KIAA0586: variants seen among roughly 807,000 people sequenced by gnomAD.
KIAA0586 encodes the protein protein TALPID3.
KIAA0586 carries 144 observed loss-of-function variants against 169.8 expected under a neutral mutation model. That is an observed-to-expected ratio of 0.85 (90% CI 0.74 to 0.97). The LOEUF is 0.97. KIAA0586 is among the 50% of genes least tolerant of loss of function. KIAA0586 has a pLI of 0.00. For missense variants in KIAA0586, 1,854 were observed against 1,823.0 expected (o/e 1.02, Z -0.31); for synonymous variants, 625 against 612.4 (o/e 1.02, Z -0.30).
Position 58,458,136 on chromosome 14 carries a change from G to GAT in KIAA0586, c.1583+168_1583+169dup, listed in dbSNP as rs369772715. Among the ~76,000 whole-genome samples the GAT allele has an allele frequency of 1.5e-4, 23 of 151,664 alleles. 1 individual carries two copies. The highest frequency in any genetic ancestry group is 4.8e-4 in the African/African-American group (20 of 41,390). On this transcript the variant is annotated intron_variant, in intron 11 of 30. Transcript: ENST00000652326. ...GTGGAACTTATAAAGTTGGAATTTG[G>GAT]ATATATATATATGGTGGTACTACTT...
chr14:58,543,136 A>AG (rs1158796016), intron 30 of KIAA0586, among the ~76,000 whole-genome samples: 1 of 151,254 alleles, frequency 6.6e-6, no homozygotes, highest in Non-Finnish European at 1.5e-5. Context: ...CGTCTCAAAA[A>AG]AAAAAAAAAA....
intron 6 of KIAA0586, among the ~76,000 whole-genome samples, chr14:58,445,146 C>CACAT (rs1336246698): frequency 6.6e-6 from 1 of 151,542 alleles, no homozygotes; most frequent in Admixed American, 6.6e-5. Context: ...CACACACACA[C>CACAT]ACATATACAC....
At chr14:58,474,513 T>C in intron 18 of KIAA0586, 94 bp from the exon 19 acceptor site, 1 of 769,276 alleles carries the variant, frequency 1.3e-6, no homozygotes, top group Non-Finnish European at 2.0e-6. Flanking sequence ...TTTAGAAGGG[T>C]TTCTTAATTC....
In KIAA0586 at chr14:58,512,573, CA is replaced by C; in HGVS notation, c.4378del (p.Ser1460ValfsTer58). 6.5e-7 allele frequency: 1 copy of C among 1,545,606 alleles called. No homozygotes were observed. The highest frequency in any genetic ancestry group is 8.7e-7 in the Non-Finnish European group (1 of 1,154,362). On this transcript the variant is annotated frameshift_variant, in exon 29 of 31. Transcript: ENST00000652326. LOFTEE classifies it high-confidence loss of function. ...TAAGCAAGTTGAACACAAACCATCA[CA>C]AAGTTACCTACGTGTTAGAAATAAA... ...DVKQVEHKPS[Q>X]SYLRVRNKSD...
chr14:58,466,114 C>G, intron 15 of KIAA0586, 85 bp downstream of exon 15: 1 of 1,049,144 alleles, frequency 9.5e-7, no homozygotes, highest in Non-Finnish European at 1.4e-6. Context: ...CGGGGTTTCA[C>G]TGTGTGGCTC....
At position 58,487,913 on chromosome 14, in the gene KIAA0586, G is replaced by GT; in HGVS notation, c.3333dup (p.Asn1112Ter). On this transcript the variant is annotated frameshift_variant, in exon 23 of 31. Coordinates refer to ENST00000652326, the MANE Select transcript of KIAA0586 (RefSeq NM_001329943.3). LOFTEE classifies it high-confidence loss of function. ...AGATGATATGCCTGCCATCATGCTT[G>GT]TTAATACTCCAACAGTTACCCCTAC... 1 of 1,612,876 alleles carries GT rather than the reference G, an allele frequency of 6.2e-7. No individual in the cohort carries two copies. Among genetic ancestry groups the GT allele is most frequent in the Non-Finnish European group, 8.5e-7 (1 of 1,179,538 alleles).
intron 29 of KIAA0586, among the ~76,000 whole-genome samples, chr14:58,539,462 G>A (rs1357679364): frequency 6.6e-6 from 1 of 152,174 alleles, no homozygotes; most frequent in Non-Finnish European, 1.5e-5. Flanking sequence ...TTAGTATCCA[G>A]AGTGTCTTGT....
chr14:58,451,235 A>AT (rs1362126389), intron 8 of KIAA0586, among the ~76,000 whole-genome samples: 1 of 151,718 alleles, frequency 6.6e-6, no homozygotes. Context: ...ATTTTTATTT[A>AT]TTTTTTATGA....
At chr14:58,524,695 T>A (rs762370319) in intron 29 of KIAA0586, among the ~76,000 whole-genome samples, 6 of 152,232 alleles carry the variant, frequency 3.9e-5, no homozygotes, top group African/African-American at 1.4e-4. Context: ...TTATCTGTAA[T>A]ATAGTATAGA....
Position 58,450,689 on chromosome 14 carries a change from T to C in KIAA0586, c.1072T>C (p.Ser358Pro), listed in dbSNP as rs2039295233. ...PVPVSRDDEL[S>P]KRENLLEEKE... is the part of the protein sequence containing the mutation. ...ACCTGTTTCAAGGGATGATGAACTA[T>C]CAAAGAGGGAAAATCTTTTGGAAGA... is the stretch of plus-strand genomic sequence containing the variant. The change falls in exon 8 of 31, where the codon TCA becomes CCA. Residue 358 changes from serine (S) to proline (P), a missense_variant. Ser to Pro is a moderately conservative substitution (Grantham distance 74). Coordinates refer to ENST00000652326, the MANE Select transcript of KIAA0586 (RefSeq NM_001329943.3). The C allele has an allele frequency of 1.9e-6, 3 of 1,609,424 alleles. No homozygotes were observed. In the East Asian group the frequency reaches 6.7e-5, roughly 36 times the overall value.
chr14:58,472,958 T>A (rs1335422368), intron 18 of KIAA0586, among the ~76,000 whole-genome samples: 2 of 143,084 alleles, frequency 1.4e-5, no homozygotes, highest in African/African-American at 5.2e-5. Context: ...TCTTTTCTCA[T>A]GTGAGTGCCA....
chr14:58,476,223 C>A (rs370449370), intron 19 of KIAA0586, among the ~76,000 whole-genome samples: 1 of 152,148 alleles, frequency 6.6e-6, no homozygotes, highest in Admixed American at 6.5e-5. Context: ...TAAACTCTTA[C>A]ATTTTTTTCT....
intron 14 of KIAA0586, among the ~76,000 whole-genome samples, chr14:58,461,967 T>C (rs2040358662): frequency 6.6e-6 from 1 of 152,208 alleles, no homozygotes. Context: ...TTATGTATTA[T>C]AGTTTCTCAG....
chr14:58,428,119 A>G lies in KIAA0586; in HGVS notation c.-146A>G. The G allele has an allele frequency of 2.7e-6, 4 of 1,465,186 alleles. No homozygotes were observed. The highest frequency in any genetic ancestry group is 3.6e-6 in the Non-Finnish European group (4 of 1,112,600). The allele number at this position is 1,465,186 out of a possible 1,614,324, so 90.8% of individuals were successfully genotyped here. A position where few individuals can be genotyped will look rare whatever the true frequency, so the allele number is the denominator to read the frequency against. ...AGTCAGCTCTAATCCTGGATTCAAT[A>G]TCAGAATTTAGATTTTCAGCTTTGT... is the stretch of plus-strand genomic sequence containing the variant. On this transcript the variant is annotated 5_prime_UTR_variant, in exon 1 of 31. It adds an upstream start codon to the 5' untranslated region. Transcript: ENST00000652326.
intron 6 of KIAA0586, among the ~76,000 whole-genome samples, chr14:58,447,340 A>T (rs1052283665): frequency 1.9e-4 from 29 of 152,254 alleles, no homozygotes; most frequent in African/African-American, 7.0e-4. Flanking sequence ...TGTGCTCCAT[A>T]AATATATACA....
At chr14:58,518,550 C>A (rs1043263152) in intron 29 of KIAA0586, among the ~76,000 whole-genome samples, 40 of 152,294 alleles carry the variant, frequency 2.6e-4, no homozygotes, top group African/African-American at 8.7e-4. Context: ...GTGTTTTTTA[C>A]TGGCACATCC....
intron 29 of KIAA0586, among the ~76,000 whole-genome samples, chr14:58,537,778 G>C (rs1365180688): frequency 6.6e-6 from 1 of 151,998 alleles, no homozygotes; most frequent in Non-Finnish European, 1.5e-5. Context: ...CTCCCGAGTA[G>C]CTGGGACTAC....
chr14:58,462,712 T>C (rs1253750653), intron 14 of KIAA0586, among the ~76,000 whole-genome samples: 1 of 152,214 alleles, frequency 6.6e-6, no homozygotes, highest in Non-Finnish European at 1.5e-5. Context: ...ATTTTCACAC[T>C]GCTATAAAAA....
chr14:58,478,300 T>C (rs1038339643), intron 20 of KIAA0586, among the ~76,000 whole-genome samples: 2 of 152,098 alleles, frequency 1.3e-5, no homozygotes, highest in Admixed American at 6.6e-5. Context: ...CTGGCCAACA[T>C]AGTGAAACCC....
Sources: gnomAD v4.1 joint callset for allele counts (sites outside exome capture counted in the v4.1 genomes callset) on GRCh38, gnomAD v4.1.1 for gene constraint, MANE v1.5 for transcripts, NCBI Gene and HGNC (gene_info 2026-07-23, HGNC 2026-07-21) for gene names.